Variants in BRINP3 observed in about 807,000 individuals in gnomAD.
The protein encoded by BRINP3 is BMP/retinoic acid-inducible neural-specific protein 3.
A neutral mutation model predicts 71.0 loss-of-function variants in BRINP3; 19 were observed. The observed-to-expected ratio is 0.27, with a 90% CI of 0.19 to 0.39. The LOEUF (loss-of-function observed/expected upper bound fraction) is 0.39, where lower values mean the gene tolerates loss of function less well. Among genes scored for constraint, BRINP3 ranks in the 10% least tolerant of loss-of-function variants. The pLI is 1.00. For missense variants in BRINP3, 959 were observed against 940.8 expected (o/e 1.02, Z -0.25); for synonymous variants, 380 against 337.7 (o/e 1.13, Z -1.37).
chr1:190,281,433 G>A (rs780618699), intron 3 of BRINP3, 127 bp downstream of exon 3: 40 of 873,894 alleles, frequency 4.6e-5, no homozygotes, highest in Non-Finnish European at 6.5e-5. Context: ...AATGTGTTGG[G>A]TAAATGAATG....
chr1:190,119,508 T>C (rs888134144), intron 7 of BRINP3, among the ~76,000 whole-genome samples: 13 of 152,054 alleles, frequency 8.5e-5, no homozygotes, highest in African/African-American at 3.1e-4. Context: ...AGTCTGACCT[T>C]GTGATCCTCC....
intron 2 of BRINP3, among the ~76,000 whole-genome samples, chr1:190,447,575 C>T (rs935061006): frequency 1.2e-4 from 17 of 147,340 alleles, no homozygotes; most frequent in African/African-American, 4.2e-4. Flanking sequence ...TACACACACA[C>T]GTTTTGCAGT....
At chr1:190,265,632 T>G (rs983274928) in intron 3 of BRINP3, among the ~76,000 whole-genome samples, 9 of 150,838 alleles carry the variant, frequency 6.0e-5, no homozygotes, top group Admixed American at 5.3e-4. Context: ...AAGAATGGCG[T>G]GAACCCGGGA....
intron 7 of BRINP3, among the ~76,000 whole-genome samples, chr1:190,156,516 T>TG (rs1290706276): frequency 6.3e-5 from 4 of 63,526 alleles, no homozygotes; most frequent in Non-Finnish European, 1.5e-4. Flanking sequence ...CAGTACATAT[T>TG]TTTTTTTTGT....
At chr1:190,195,594 T>C (rs1485172757) in intron 6 of BRINP3, among the ~76,000 whole-genome samples, 1 of 152,070 alleles carries the variant, frequency 6.6e-6, no homozygotes, top group African/African-American at 2.4e-5. Flanking sequence ...ATTATACGTA[T>C]GAAGAATTCC....
intron 4 of BRINP3, among the ~76,000 whole-genome samples, chr1:190,258,874 C>T (rs910133675): frequency 1.2e-4 from 19 of 152,122 alleles, no homozygotes; most frequent in African/African-American, 4.6e-4. Flanking sequence ...CATAGTGGTT[C>T]AAGCCTGTAA....
intron 2 of BRINP3, among the ~76,000 whole-genome samples, chr1:190,311,978 A>G (rs1665553742): frequency 6.8e-6 from 1 of 146,792 alleles, no homozygotes; most frequent in Admixed American, 6.9e-5. Context: ...ATTAGACAAA[A>G]TATTTAAACT....
chr1:190,307,737 T>C (rs767033358), intron 2 of BRINP3, among the ~76,000 whole-genome samples: 5 of 152,000 alleles, frequency 3.3e-5, no homozygotes, highest in Non-Finnish European at 7.4e-5. Flanking sequence ...AAGAAGTAAC[T>C]TTCTTTTTTT....
At chr1:190,284,839 T>C (rs1253839673) in intron 2 of BRINP3, among the ~76,000 whole-genome samples, 3 of 152,078 alleles carry the variant, frequency 2.0e-5, no homozygotes, top group African/African-American at 7.2e-5. Context: ...TAATTATAGT[T>C]ATTGTTAATA....
chr1:190,328,352 C>T (rs573132139), intron 2 of BRINP3, among the ~76,000 whole-genome samples: 1 of 152,066 alleles, frequency 6.6e-6, no homozygotes, highest in Non-Finnish European at 1.5e-5. Context: ...CAAATAAGCA[C>T]AATCAGATAT....
At chr1:190,119,383 T>C (rs1653433384) in intron 7 of BRINP3, among the ~76,000 whole-genome samples, 1 of 152,096 alleles carries the variant, frequency 6.6e-6, no homozygotes, top group South Asian at 2.1e-4. Context: ...TTCAAATTAT[T>C]CTCCTGCCTC....
In BRINP3 at chr1:190,126,420, T is replaced by C. The variant is rs963641488; in HGVS notation, c.1185-27286A>G. On this transcript the variant is annotated intron_variant, in intron 7 of 7. Transcript: ENST00000367462. ...CCACCATGGTATGCTTTGACTGTCT[T>C]TCCTCTGTGCTGTTCTGGATATTCC... Among the ~76,000 whole-genome samples the C allele has an allele frequency of 4.6e-5, 7 of 151,880 alleles. No individual in the cohort carries two copies. The South Asian group carries it at 1.0e-3, about 23-fold the overall frequency.
intron 2 of BRINP3, among the ~76,000 whole-genome samples, chr1:190,387,729 T>C (rs1278837214): frequency 1.3e-5 from 2 of 151,862 alleles, no homozygotes; most frequent in Non-Finnish European, 1.5e-5. Context: ...ATGCTCAGTC[T>C]TAACCTCTCT....
intron 7 of BRINP3, among the ~76,000 whole-genome samples, chr1:190,139,697 T>C (rs2102383419): frequency 6.6e-6 from 1 of 152,256 alleles, no homozygotes; most frequent in East Asian, 1.9e-4. Context: ...TGTGACTTTA[T>C]TGCTGAATGA....
intron 6 of BRINP3, among the ~76,000 whole-genome samples, chr1:190,165,331 T>A (rs1314349030): frequency 1.3e-5 from 2 of 150,222 alleles, no homozygotes; most frequent in Non-Finnish European, 2.9e-5. Context: ...TAACACAATT[T>A]TTTTGTAAGC....
At chr1:190,234,319 T>C in intron 5 of BRINP3, 53 bp downstream of exon 5, 1 of 1,346,014 alleles carries the variant, frequency 7.4e-7, no homozygotes, top group Non-Finnish European at 1.0e-6. Context: ...AAATCACGAC[T>C]GGATAATTGC....
chr1:190,192,336 C>T (rs1209531384), intron 6 of BRINP3, among the ~76,000 whole-genome samples: 1 of 152,042 alleles, frequency 6.6e-6, no homozygotes, highest in Non-Finnish European at 1.5e-5. Flanking sequence ...CTCTTTAAAA[C>T]AAACCTATAC....
At chr1:190,136,820 T>C (rs1655013126) in intron 7 of BRINP3, among the ~76,000 whole-genome samples, 1 of 152,018 alleles carries the variant, frequency 6.6e-6, no homozygotes, top group African/African-American at 2.4e-5. Context: ...GAAGTGCATA[T>C]GGGATAATCA....
chr1:190,261,273 A>G (rs1340496127), intron 4 of BRINP3, among the ~76,000 whole-genome samples: 1 of 152,028 alleles, frequency 6.6e-6, no homozygotes, highest in Non-Finnish European at 1.5e-5. Flanking sequence ...AATTGAATTG[A>G]GTCTCGGTAG....
Sources: allele counts gnomAD v4.1 joint callset (sites outside exome capture counted in the v4.1 genomes callset), GRCh38; gene constraint gnomAD v4.1.1; transcripts MANE v1.5; gene names NCBI Gene and HGNC (gene_info 2026-07-23, HGNC 2026-07-21).